Variants in KDM4B observed in about 807,000 individuals in gnomAD.
KDM4B encodes the protein lysine-specific demethylase 4B.
In KDM4B, 32 loss-of-function variants were observed where a neutral mutation model predicts 125.2. The ratio of observed to expected loss-of-function variants is 0.26; its 90% confidence interval spans 0.19 to 0.34. The LOEUF is 0.34. KDM4B is among the 10% of genes least tolerant of loss of function. KDM4B has a pLI of 1.00. For synonymous variants in KDM4B, 721 were observed against 677.9 expected (o/e 1.06, Z -0.99); for missense variants, 1,190 against 1,577.7 (o/e 0.75, Z 4.16).
At chr19:5,036,314 CGAT>C (rs1419241823) in intron 3 of KDM4B, among the ~76,000 whole-genome samples, 2 of 152,236 alleles carry the variant, frequency 1.3e-5, no homozygotes, top group African/African-American at 2.4e-5. Flanking sequence ...TCTGCAGGCC[CGAT>C]GGAGCTCGGT....
intron 9 of KDM4B, among the ~76,000 whole-genome samples, chr19:5,098,100 C>G (rs1345770780): frequency 1.3e-5 from 2 of 152,216 alleles, no homozygotes; most frequent in Non-Finnish European, 2.9e-5. Flanking sequence ...CAGCCCCCAG[C>G]TGGGCCAGGG....
chr19:5,146,285 G>A (rs571884575), intron 21 of KDM4B, among the ~76,000 whole-genome samples: 5 of 144,096 alleles, frequency 3.5e-5, no homozygotes, highest in Non-Finnish European at 7.6e-5. Context: ...CACCACTCTC[G>A]ACCTGTCACT....
At chr19:5,127,979 G>C (rs1309600516) in intron 11 of KDM4B, among the ~76,000 whole-genome samples, 1 of 152,198 alleles carries the variant, frequency 6.6e-6, no homozygotes, top group African/African-American at 2.4e-5. Flanking sequence ...CCGGCTCTGT[G>C]TCTCTGGCCC....
chr19:5,083,205 G>A (rs546707001), intron 9 of KDM4B, among the ~76,000 whole-genome samples: 6 of 152,262 alleles, frequency 3.9e-5, no homozygotes, highest in South Asian at 2.1e-4. Flanking sequence ...CTCTCCTAAC[G>A]CCACGTACAG....
chr19:5,062,775 GTTT>G (rs34134889), intron 6 of KDM4B, among the ~76,000 whole-genome samples: 5,793 of 89,604 alleles, frequency 0.065, 137 homozygotes, highest in Non-Finnish European at 0.077. Flanking sequence ...TAATTAAACT[GTTT>G]TTTTTTTTTT....
intron 1 of KDM4B, among the ~76,000 whole-genome samples, chr19:4,969,712 G>A (rs1036441929): frequency 2.6e-5 from 4 of 151,654 alleles, no homozygotes; most frequent in Non-Finnish European, 5.9e-5. Flanking sequence ...CCCTTTGGGC[G>A]CCAGGGGGGC....
chr19:5,119,228 C>G, intron 10 of KDM4B: 2 of 1,509,900 alleles, frequency 1.3e-6, no homozygotes, highest in Non-Finnish European at 1.8e-6. Flanking sequence ...TCGTAAGTGT[C>G]TTTTTCGTTC....
intron 9 of KDM4B, among the ~76,000 whole-genome samples, chr19:5,105,300 A>G (rs1263343857): frequency 2.0e-5 from 3 of 152,246 alleles, no homozygotes; most frequent in African/African-American, 4.8e-5. Context: ...ACTGCTGCCC[A>G]TGTCTGCAAC....
chr19:5,058,525 CAGG>C (rs754550068), intron 6 of KDM4B, among the ~76,000 whole-genome samples: 3 of 152,100 alleles, frequency 2.0e-5, no homozygotes, highest in Non-Finnish European at 2.9e-5. Flanking sequence ...GGCCATGTTC[CAGG>C]AGGATGGAGT....
chr19:5,142,341 C>T lies in KDM4B; in HGVS notation c.2551-1626C>T, dbSNP rs1272779263. 1.3e-5 allele frequency among the ~76,000 whole-genome samples: 2 copies of T among 152,166 alleles called. No homozygotes were observed. The highest frequency in any genetic ancestry group is 4.8e-5 in the African/African-American group (2 of 41,446). ...GAGGTGACGGCCAAGAACGCCTGCC[C>T]GACCTCCTGTGGCCACAGCGCGTGG... On this transcript the variant is annotated intron_variant, in intron 18 of 22. Coordinates refer to ENST00000159111, the MANE Select transcript of KDM4B (RefSeq NM_015015.3). This position sits in a 1 kb window ranked among gnomAD's most constrained non-coding sequence, Gnocchi z 5.4.
chr19:5,030,092 C>T (rs1416399423), intron 2 of KDM4B, among the ~76,000 whole-genome samples: 2 of 152,220 alleles, frequency 1.3e-5, no homozygotes, highest in Admixed American at 1.3e-4. Flanking sequence ...GTGTGGGGAG[C>T]CCCCCTTTTT....
intron 20 of KDM4B, 58 bp from the exon 21 acceptor site, chr19:5,144,725 G>A: frequency 6.2e-7 from 1 of 1,603,502 alleles, no homozygotes; most frequent in East Asian, 2.2e-5. Context: ...CTAAAACCCA[G>A]CGACAGCCCC....
At chr19:5,051,498 G>T (rs1321604192) in intron 6 of KDM4B, among the ~76,000 whole-genome samples, 1 of 152,264 alleles carries the variant, frequency 6.6e-6, no homozygotes, top group Non-Finnish European at 1.5e-5. Flanking sequence ...CCAGATGGGG[G>T]ATCAGCATGT....
At chr19:5,012,552 G>A (rs1421319843) in intron 1 of KDM4B, among the ~76,000 whole-genome samples, 1 of 152,166 alleles carries the variant, frequency 6.6e-6, no homozygotes, top group Admixed American at 6.5e-5. Context: ...GCTCCTCTGG[G>A]CTGGGACCAC....
At chr19:4,991,746 C>T (rs185370360) in intron 1 of KDM4B, among the ~76,000 whole-genome samples, 20 of 152,132 alleles carry the variant, frequency 1.3e-4, no homozygotes, top group African/African-American at 4.1e-4. Flanking sequence ...CACAAAGGAA[C>T]GCTCTGCTTC....
At chr19:5,068,107 T>C (rs1408115898) in intron 6 of KDM4B, among the ~76,000 whole-genome samples, 14 of 149,888 alleles carry the variant, frequency 9.3e-5, no homozygotes, top group East Asian at 7.8e-4. Flanking sequence ...TTTTTTTTTT[T>C]CCCTCCAGAG....
chr19:4,969,670 A>C lies in KDM4B; in HGVS notation c.-109+440A>C, dbSNP rs948108539. On this transcript the variant is annotated intron_variant, in intron 1 of 22. Transcript: ENST00000159111. ...AAGCAAGAAAAAGGAAAAAGACCCC[A>C]GCCCCTGGGTAACCCCCGCCTGCGT... 2.0e-4 allele frequency among the ~76,000 whole-genome samples: 30 copies of C among 152,152 alleles called. No individual in the cohort carries two copies. The South Asian group carries it at 5.8e-3, about 29-fold the overall frequency.
intron 6 of KDM4B, among the ~76,000 whole-genome samples, chr19:5,063,505 G>A (rs529090949): frequency 2.0e-5 from 3 of 152,318 alleles, no homozygotes; most frequent in African/African-American, 7.2e-5. Context: ...CACCTGGGCT[G>A]GTGCCTTTTC....
At chr19:5,062,694 G>A (rs1159291562) in intron 6 of KDM4B, among the ~76,000 whole-genome samples, 1 of 151,694 alleles carries the variant, frequency 6.6e-6, no homozygotes, top group Non-Finnish European at 1.5e-5. Context: ...CACCTTGCTG[G>A]GCTGTGTTTA....
Sources: gnomAD v4.1 joint callset for allele counts (sites outside exome capture counted in the v4.1 genomes callset) on GRCh38, gnomAD v4.1.1 for gene constraint, Gnocchi (gnomAD v3.1) non-coding constraint, MANE v1.5 for transcripts, NCBI Gene and HGNC (gene_info 2026-07-23, HGNC 2026-07-21) for gene names.